TTLL11: variants seen among roughly 807,000 people sequenced by gnomAD.
TTLL11 encodes tubulin polyglutamylase TTLL11.
A neutral mutation model predicts 51.7 loss-of-function variants in TTLL11; 42 were observed. The ratio of observed to expected loss-of-function variants is 0.81; its 90% CI spans 0.64 to 1.05. The LOEUF is 1.05. Among genes scored for constraint, TTLL11 ranks in the 50% least tolerant of loss-of-function variants. TTLL11 has a pLI of 0.00. For missense variants in TTLL11, 799 were observed against 940.4 expected, an observed-to-expected ratio of 0.85 and a Z score of 1.97; for synonymous variants, 381 against 383.5, an observed-to-expected ratio of 0.99 and a Z score of 0.08.
intron 3 of TTLL11, among the ~76,000 whole-genome samples, chr9:122,024,075 C>G (rs73662570): frequency 0.024 from 3,713 of 152,102 alleles, 147 homozygotes; most frequent in African/African-American, 0.085. Context: ...AAATAAGCTA[C>G]TAGAACTGTT....
rs185370250 is a variant in TTLL11, at chr9:121,927,507, G to A, written c.1481+46502C>T. ...CCTGCTACATGTCAAGCACTCTCAG[G>A]TAAAGGAATCTAGAGATACATGATA... On this transcript the variant is annotated intron_variant, in intron 6 of 8. Transcript: ENST00000321582. 3.9e-5 allele frequency among the ~76,000 whole-genome samples: 6 copies of A among 152,290 alleles called. No homozygotes were observed. In the East Asian group the frequency reaches 7.7e-4, roughly 20 times the overall value.
chr9:122,050,262 G>T (rs535738287), intron 1 of TTLL11, among the ~76,000 whole-genome samples: 1 of 152,176 alleles, frequency 6.6e-6, no homozygotes, highest in African/African-American at 2.4e-5. Flanking sequence ...TAATGTCCAA[G>T]GAAATCACCT....
At chr9:122,092,614 G>A (rs532453127) in intron 1 of TTLL11, 73 bp downstream of exon 1, 1 of 1,527,044 alleles carries the variant, frequency 6.5e-7, no homozygotes, top group South Asian at 1.2e-5. Context: ...CCTGACCTGG[G>A]CCGTGCCGAG....
intron 3 of TTLL11, among the ~76,000 whole-genome samples, chr9:121,996,464 GAC>G (rs143955385): frequency 1.3e-5 from 2 of 151,652 alleles, no homozygotes; most frequent in Non-Finnish European, 2.9e-5. Flanking sequence ...CACACACACA[GAC>G]ACACACACAC....
intron 8 of TTLL11, among the ~76,000 whole-genome samples, chr9:121,837,555 C>T (rs1837215830): frequency 6.6e-6 from 1 of 152,102 alleles, no homozygotes; most frequent in African/African-American, 2.4e-5. Context: ...AGTTTGTCTA[C>T]AGTCGGTCCT....
At chr9:122,002,835 A>G (rs546825074) in intron 3 of TTLL11, among the ~76,000 whole-genome samples, 12 of 150,786 alleles carry the variant, frequency 8.0e-5, no homozygotes, top group Non-Finnish European at 1.3e-4. Flanking sequence ...AGTCCCAGCT[A>G]CTTGGGAGGC....
intron 5 of TTLL11, among the ~76,000 whole-genome samples, 162 bp from the exon 6 acceptor site, chr9:121,974,286 C>A (rs1842646367): frequency 1.3e-5 from 2 of 152,078 alleles, no homozygotes; most frequent in Non-Finnish European, 2.9e-5. Context: ...ATGTCGATTT[C>A]CTTTTATAAA....
chr9:121,867,996 G>T (rs1000858725), intron 7 of TTLL11, among the ~76,000 whole-genome samples: 1 of 152,014 alleles, frequency 6.6e-6, no homozygotes, highest in African/African-American at 2.4e-5. Context: ...ACAGGACCAG[G>T]GTTCTCTGCA....
chr9:121,860,298 G>A (rs776292193), intron 8 of TTLL11, 39 bp downstream of exon 8: 2 of 1,492,814 alleles, frequency 1.3e-6, no homozygotes, highest in South Asian at 2.5e-5. Context: ...ATGCCTGTCA[G>A]GACCCCCACA....
chr9:121,912,951 C>G (rs1840194142), intron 6 of TTLL11, among the ~76,000 whole-genome samples: 1 of 151,990 alleles, frequency 6.6e-6, no homozygotes, highest in African/African-American at 2.4e-5. Context: ...CCAGGCTTAT[C>G]TGATTTCAAC....
At chr9:121,826,153 A>AATATATATATATAT (rs10562547) in intron 8 of TTLL11, among the ~76,000 whole-genome samples, 9 of 70,944 alleles carry the variant, frequency 1.3e-4, no homozygotes, top group African/African-American at 5.2e-4. Flanking sequence ...ATCAAAGTAG[A>AATATATATATATAT]ATATATATAT....
intron 7 of TTLL11, among the ~76,000 whole-genome samples, chr9:121,862,246 C>T (rs1019624888): frequency 5.3e-5 from 8 of 151,884 alleles, no homozygotes; most frequent in Admixed American, 4.6e-4. Flanking sequence ...ATGATTTAGG[C>T]ATCAGACAGA....
rs549059818 is a variant in TTLL11, at chr9:121,940,638, G to A, written c.1481+33371C>T. On this transcript the variant is annotated intron_variant, in intron 6 of 8. Coordinates refer to ENST00000321582, the MANE Select transcript of TTLL11 (RefSeq NM_001139442.2). Reference sequence around the variant, plus strand: ...CAGGCATGAGCCACCATGCCCAGCCGACTTTCTCTCTCTTGATTTATCCTC... The same window carrying A: ...CAGGCATGAGCCACCATGCCCAGCCAACTTTCTCTCTCTTGATTTATCCTC... 7.9e-5 allele frequency among the ~76,000 whole-genome samples: 12 copies of A among 151,810 alleles called. No individual in the cohort carries two copies. The South Asian group carries it at 1.9e-3, about 24-fold the overall frequency.
chr9:122,014,480 C>T (rs576610820), intron 3 of TTLL11, among the ~76,000 whole-genome samples: 7 of 152,322 alleles, frequency 4.6e-5, no homozygotes, highest in African/African-American at 1.4e-4. Context: ...TCTCCACCTT[C>T]CCACCTTCCC....
intron 8 of TTLL11, among the ~76,000 whole-genome samples, chr9:121,844,132 C>T (rs1419059715): frequency 6.6e-6 from 1 of 152,176 alleles, no homozygotes; most frequent in Non-Finnish European, 1.5e-5. Flanking sequence ...CCACTAGGAA[C>T]AGATTTAATC....
rs541732187 is a variant in TTLL11 at position 121,995,622 on chromosome 9, G to A, written c.694-5852C>T. ...GAGGAGCAGGTCTCATTGAAGGAAA[G>A]TGGGGACAAGGAGAGGAGGAATTCA... On this transcript the variant is annotated intron_variant, in intron 3 of 8. Transcript: ENST00000321582. The surrounding 1 kb of genome is among the most constrained non-coding windows in gnomAD (Gnocchi z 4.4). Among the ~76,000 whole-genome samples, 1 of 152,286 alleles carries A rather than the reference G, an allele frequency of 6.6e-6. No homozygotes were observed. Among genetic ancestry groups the A allele is most frequent in the Non-Finnish European group, 1.5e-5 (1 of 68,028 alleles).
intron 6 of TTLL11, among the ~76,000 whole-genome samples, chr9:121,954,566 C>T (rs187393967): frequency 3.9e-5 from 6 of 152,222 alleles, no homozygotes; most frequent in Middle Eastern, 3.4e-3. Flanking sequence ...AGAACTAGAG[C>T]GTTTCTTCTG....
intron 6 of TTLL11, among the ~76,000 whole-genome samples, chr9:121,878,292 C>T (rs142969774): frequency 1.3e-5 from 2 of 152,254 alleles, no homozygotes; most frequent in African/African-American, 4.8e-5. Context: ...GCTTGGGGGG[C>T]TTGTAACTGT....
intron 3 of TTLL11, among the ~76,000 whole-genome samples, chr9:121,991,736 C>T (rs957591229): frequency 3.3e-5 from 5 of 152,168 alleles, no homozygotes; most frequent in Non-Finnish European, 2.9e-5. Context: ...AATACTTCTG[C>T]TCTTTGCCAG....
Sources: gnomAD v4.1 joint callset for allele counts (sites outside exome capture counted in the v4.1 genomes callset) on GRCh38, gnomAD v4.1.1 for gene constraint, Gnocchi (gnomAD v3.1) non-coding constraint, MANE v1.5 for transcripts, NCBI Gene and HGNC (gene_info 2026-07-23, HGNC 2026-07-21) for gene names.